The following PHF21A variants were observed in gnomAD, a reference collection of about 807,000 sequenced individuals.
PHF21A encodes PHD finger protein 21A.
PHF21A carries 11 observed loss-of-function variants against 82.5 expected under a neutral mutation model. The ratio of observed to expected loss-of-function variants is 0.13; its 90% CI spans 0.08 to 0.22. The LOEUF is 0.22. Ranked by LOEUF, PHF21A falls within the 10% of genes least tolerant of loss-of-function variation. The pLI is 1.00. For synonymous variants in PHF21A, 297 were observed against 302.8 expected (o/e 0.98, Z 0.20); for missense variants, 579 against 837.8 (o/e 0.69, Z 3.81).
At chr11:46,024,911 A>C (rs2095709301) in intron 6 of PHF21A, among the ~76,000 whole-genome samples, 1 of 152,206 alleles carries the variant, frequency 6.6e-6, no homozygotes, top group Admixed American at 6.5e-5. Flanking sequence ...CTAGTTCTAG[A>C]CTAGTCTATA....
At chr11:46,039,989 G>C (rs934509127) in intron 6 of PHF21A, among the ~76,000 whole-genome samples, 3 of 151,958 alleles carry the variant, frequency 2.0e-5, no homozygotes, top group African/African-American at 7.2e-5. Context: ...GCATTTTTTG[G>C]GAAAAAGAGA....
chr11:46,053,195 T>C (rs1299823484), intron 6 of PHF21A, among the ~76,000 whole-genome samples: 1 of 152,212 alleles, frequency 6.6e-6, no homozygotes, highest in Non-Finnish European at 1.5e-5. Context: ...CACAGAACAC[T>C]AGATCACATC....
chr11:45,946,711 C>T (rs2091352725), intron 14 of PHF21A, among the ~76,000 whole-genome samples: 1 of 152,132 alleles, frequency 6.6e-6, no homozygotes, highest in African/African-American at 2.4e-5. Flanking sequence ...ATACTGTTCT[C>T]TAAGGTTTCT....
chr11:46,108,114 A>G (rs2097171765), intron 1 of PHF21A, among the ~76,000 whole-genome samples: 3 of 152,290 alleles, frequency 2.0e-5, no homozygotes, highest in Admixed American at 2.0e-4. Context: ...GTTTGCCCCA[A>G]TTCTTGCCTA....
chr11:46,109,612 A>C (rs1422998915), intron 1 of PHF21A, among the ~76,000 whole-genome samples: 5 of 152,194 alleles, frequency 3.3e-5, no homozygotes, highest in Non-Finnish European at 7.3e-5. Context: ...TTATATTTAT[A>C]ATATACACAC....
At chr11:46,108,153 T>G (rs1198639265) in intron 1 of PHF21A, among the ~76,000 whole-genome samples, 1 of 152,200 alleles carries the variant, frequency 6.6e-6, no homozygotes. Context: ...AATAAATGTG[T>G]CCTAACAACC....
chr11:46,107,008 A>T (rs191998539), intron 1 of PHF21A, among the ~76,000 whole-genome samples: 27 of 152,334 alleles, frequency 1.8e-4, no homozygotes, highest in African/African-American at 6.3e-4. Flanking sequence ...ACTGTCCTCC[A>T]GCTGTCCCCA....
At chr11:46,044,314 A>G (rs1436569790) in intron 6 of PHF21A, among the ~76,000 whole-genome samples, 4 of 152,024 alleles carry the variant, frequency 2.6e-5, no homozygotes, top group Admixed American at 2.6e-4. Context: ...AAAAAAAAAG[A>G]AAATTCATGC....
chr11:45,991,988 G>A (rs1400610544), intron 6 of PHF21A, among the ~76,000 whole-genome samples: 1 of 152,146 alleles, frequency 6.6e-6, no homozygotes, highest in Admixed American at 6.6e-5. Flanking sequence ...ATTACCTATT[G>A]CCAGGCAAGT....
intron 6 of PHF21A, among the ~76,000 whole-genome samples, chr11:46,033,652 G>A (rs1023515983): frequency 6.6e-5 from 10 of 152,146 alleles, no homozygotes; most frequent in Non-Finnish European, 1.5e-4. Flanking sequence ...AAGCTGCATT[G>A]TCCAATATGC....
intron 6 of PHF21A, among the ~76,000 whole-genome samples, chr11:46,008,315 C>G (rs2095341741): frequency 6.6e-6 from 1 of 152,128 alleles, no homozygotes; most frequent in South Asian, 2.1e-4. Flanking sequence ...AAAGAAAATA[C>G]AGAGCAGAGT....
intron 2 of PHF21A, among the ~76,000 whole-genome samples, chr11:46,091,589 T>C (rs6485664): frequency 0.9 from 137,165 of 152,104 alleles, 62,008 homozygotes; most frequent in East Asian, 1. Context: ...TTTAAGAATG[T>C]AAATAAACAC....
intron 6 of PHF21A, among the ~76,000 whole-genome samples, chr11:46,017,306 C>A (rs2095536703): frequency 6.6e-6 from 1 of 152,182 alleles, no homozygotes; most frequent in Admixed American, 6.5e-5. Context: ...TATTTGCTAT[C>A]TTCTCATAGT....
At chr11:46,020,108 C>CAGT (rs2095600556) in intron 6 of PHF21A, among the ~76,000 whole-genome samples, 1 of 152,038 alleles carries the variant, frequency 6.6e-6, no homozygotes, top group South Asian at 2.1e-4. Context: ...TAATGACCAC[C>CAGT]AGTAAATGGG....
intron 6 of PHF21A, among the ~76,000 whole-genome samples, chr11:45,995,214 C>A (rs143429437): frequency 6.6e-6 from 1 of 152,112 alleles, no homozygotes; most frequent in African/African-American, 2.4e-5. Flanking sequence ...TACAGTGGAA[C>A]GAACCCACTC....
intron 1 of PHF21A, among the ~76,000 whole-genome samples, chr11:46,108,668 A>G (rs2097178593): frequency 6.6e-6 from 1 of 151,852 alleles, no homozygotes; most frequent in Non-Finnish European, 1.5e-5. Flanking sequence ...ATACGTATCT[A>G]TATTGCTAGA....
chr11:46,115,238 A>C (rs1312831313), intron 1 of PHF21A, among the ~76,000 whole-genome samples: 1 of 152,226 alleles, frequency 6.6e-6, no homozygotes, highest in African/African-American at 2.4e-5. Flanking sequence ...AAGAGTCCAA[A>C]GGATGGCTGA....
intron 3 of PHF21A, among the ~76,000 whole-genome samples, chr11:46,089,344 A>G (rs2096895416): frequency 1.3e-5 from 2 of 152,316 alleles, no homozygotes; most frequent in African/African-American, 4.8e-5. Context: ...TAAAATTACC[A>G]TGAATGCAAA....
At chr11:45,951,495 T>C (rs1337669594) in intron 11 of PHF21A, among the ~76,000 whole-genome samples, 1 of 152,210 alleles carries the variant, frequency 6.6e-6, no homozygotes, top group African/African-American at 2.4e-5. Context: ...GCCAGATTAG[T>C]CTGGTAAGAA....
Sources: allele counts gnomAD v4.1 joint callset (sites outside exome capture counted in the v4.1 genomes callset), GRCh38; gene constraint gnomAD v4.1.1; transcripts MANE v1.5; gene names NCBI Gene and HGNC (gene_info 2026-07-23, HGNC 2026-07-21).